Variants in ADPRH observed in about 807,000 individuals in gnomAD.
The protein encoded by ADPRH is ADP-ribosylarginine hydrolase, also known as ADP-ribose-L-arginine cleaving enzyme.
A neutral mutation model predicts 28.8 loss-of-function variants in ADPRH; 27 were observed. The observed-to-expected ratio is 0.94, with a 90% CI of 0.69 to 1.29. ADPRH has a LOEUF of 1.29. Ranked by LOEUF, ADPRH falls within the 50% of genes most tolerant of loss-of-function variation. The pLI, the probability that ADPRH is intolerant of heterozygous loss-of-function variation, is 0.00. For missense variants in ADPRH, 419 were observed against 444.8 expected (o/e 0.94, Z 0.52); for synonymous variants, 161 against 166.9 (o/e 0.96, Z 0.27).
Position 119,587,505 on chromosome 3 carries a change from G to C in ADPRH, c.701G>C (p.Arg234Thr), listed in dbSNP as rs761416122. ...AAATGGGAAAATTACCTAAAACTTA[G>C]AGGGATTTTGGATGGAGAATCAGCC... is the stretch of plus-strand genomic sequence containing the variant. ...QTKWENYLKL[R>T]GILDGESAPT... is the part of the protein sequence containing the mutation. Residue 234 changes from arginine (R) to threonine (T), a missense_variant, in exon 5 of 5, where the codon AGA becomes ACA. Transcript: ENST00000357003. 8.2e-6 allele frequency: 13 copies of C among 1,581,710 alleles called. No individual in the cohort carries two copies. Among genetic ancestry groups the C allele is most frequent in the Non-Finnish European group, 1.0e-5 (12 of 1,163,098 alleles).
Position 119,586,471 on chromosome 3 carries a change from C to T in ADPRH, c.485C>T (p.Thr162Ile), listed in dbSNP as rs1312712543. 6 of 1,614,122 alleles carry T rather than the reference C, an allele frequency of 3.7e-6. No homozygotes were observed. The highest frequency in any genetic ancestry group is 1.3e-5 in the African/African-American group (1 of 74,938). Reference protein sequence around the residue: ...IQVSIESGRMTHHHPTGYLGA... With the variant: ...IQVSIESGRMIHHHPTGYLGA... ...GTGAGCATCGAGAGTGGTCGGATGA[C>T]CCACCACCACCCAACAGGCTACCTG... Residue 162 changes from threonine (T) to isoleucine (I), a missense_variant, in exon 4 of 5, where the codon ACC becomes ATC. Transcript: ENST00000357003.
chr3:119,589,460 A>G lies in ADPRH; in HGVS notation c.*1582A>G, dbSNP rs1212045627. On this transcript the variant is annotated 3_prime_UTR_variant, in exon 5 of 5. Coordinates refer to ENST00000357003, the MANE Select transcript of ADPRH (RefSeq NM_001125.4). ...GTTTTCAGCTGGAAGCGGTGGGTAA[A>G]TGAGGTCTGATGATAGCAGTCCTGC... 2.0e-5 allele frequency: 3 copies of G among 152,100 alleles called. No homozygotes were observed. Among genetic ancestry groups the G allele is most frequent in the Non-Finnish European group, 4.4e-5 (3 of 68,030 alleles). The allele number at this position is 152,100 out of a possible 1,614,324, so 9.4% of individuals were successfully genotyped here.
intron 3 of ADPRH, among the ~76,000 whole-genome samples, chr3:119,584,119 G>A (rs982060307): frequency 2.6e-5 from 4 of 151,992 alleles, no homozygotes; most frequent in African/African-American, 4.8e-5. Flanking sequence ...GTATTTCTGT[G>A]TTGAGAAAGA....
Position 119,579,810 on chromosome 3 carries a change from G to C in ADPRH, c.-164G>C, listed in dbSNP as rs2082389581. 1 of 152,948 alleles carries C rather than the reference G, an allele frequency of 6.5e-6. No homozygotes were observed. The highest frequency in any genetic ancestry group is 1.5e-5 in the Non-Finnish European group (1 of 68,634). The allele number at this position is 152,948 out of a possible 1,614,324, so 9.5% of individuals were successfully genotyped here. A position where few individuals can be genotyped will look rare whatever the true frequency, so the allele number is the denominator to read the frequency against. ...CTCTTCCCCGGCCCCGGGAGCCCGC[G>C]CCACGCCCGTCGCTCGCGCGTTCCA... On this transcript the variant is annotated 5_prime_UTR_variant, in exon 1 of 5. Transcript: ENST00000357003.
intron 3 of ADPRH, among the ~76,000 whole-genome samples, chr3:119,585,177 C>T (rs538432137): frequency 9.2e-5 from 14 of 152,310 alleles, no homozygotes; most frequent in Admixed American, 2.0e-4. Flanking sequence ...CATCCTTTCT[C>T]GGCATCTGAT....
chr3:119,586,879 G>T (rs2082466913), intron 4 of ADPRH, among the ~76,000 whole-genome samples: 1 of 152,168 alleles, frequency 6.6e-6, no homozygotes, highest in Admixed American at 6.5e-5. Context: ...CTCTTACACG[G>T]AATCCTGTCA....
rs146949940 is a variant in ADPRH at position 119,586,651 on chromosome 3, T to C, written c.659+6T>C. 99 of 1,612,430 alleles carry C rather than the reference T, an allele frequency of 6.1e-5. 1 individual carries two copies. In the African/African-American group the frequency reaches 9.9e-4, roughly 16 times the overall value. On this transcript the variant is annotated splice_donor_region_variant and intron_variant, in intron 4 of 4. Transcript: ENST00000357003. ...GAGGAAAATCTTCAACACTGGTGAG[T>C]CTGTAAGCGCACGCCCTGCTCAAAC...
intron 3 of ADPRH, among the ~76,000 whole-genome samples, chr3:119,585,908 T>C (rs2082454465): frequency 6.6e-6 from 1 of 152,262 alleles, no homozygotes; most frequent in South Asian, 2.1e-4. Flanking sequence ...TGATGGATTT[T>C]ACCCAGCCAC....
At chr3:119,583,023 G>A (rs1403204084) in intron 3 of ADPRH, among the ~76,000 whole-genome samples, 1 of 152,102 alleles carries the variant, frequency 6.6e-6, no homozygotes, top group Non-Finnish European at 1.5e-5. Context: ...CTGTAAAACC[G>A]GTCGCTGGTG....
chr3:119,581,843 T>C (rs911687524), intron 2 of ADPRH, among the ~76,000 whole-genome samples: 2 of 152,216 alleles, frequency 1.3e-5, no homozygotes, highest in Admixed American at 6.5e-5. Flanking sequence ...TGATAGACTT[T>C]GGAGTCAGAT....
At chr3:119,585,184 T>A (rs1158484096) in intron 3 of ADPRH, among the ~76,000 whole-genome samples, 1 of 152,234 alleles carries the variant, frequency 6.6e-6, no homozygotes, top group Non-Finnish European at 1.5e-5. Context: ...TCTCGGCATC[T>A]GATAGCTCAT....
chr3:119,587,795 C>T lies in ADPRH; in HGVS notation c.991C>T (p.Leu331=), dbSNP rs1237690090. 4 of 1,614,096 alleles carry T rather than the reference C, an allele frequency of 2.5e-6. No homozygotes were observed. Among genetic ancestry groups the T allele is most frequent in the Non-Finnish European group, 3.4e-6 (4 of 1,179,986 alleles). Reference sequence around the variant, plus strand: ...AGTGAGTCCCTCCAACTATGAGAAACTAGAATACAGAAACCGGCTGGAAGA... The same window carrying T: ...AGTGAGTCCCTCCAACTATGAGAAATTAGAATACAGAAACCGGCTGGAAGA... ...KGVSPSNYEK[L]EYRNRLEETA... The change falls in exon 5 of 5, where the codon CTA becomes TTA. Residue 331 remains leucine (L), a synonymous_variant. Coordinates refer to ENST00000357003, the MANE Select transcript of ADPRH (RefSeq NM_001125.4).
At chr3:119,580,905 A>G (rs1409124139) in intron 2 of ADPRH, among the ~76,000 whole-genome samples, 1 of 152,154 alleles carries the variant, frequency 6.6e-6, no homozygotes, top group Non-Finnish European at 1.5e-5. Flanking sequence ...GAAGCTGATC[A>G]TTTCTAAGAG....
intron 3 of ADPRH, among the ~76,000 whole-genome samples, chr3:119,586,002 A>G (rs184408346): frequency 6.4e-4 from 97 of 152,354 alleles, no homozygotes; most frequent in African/African-American, 2.3e-3. Flanking sequence ...AGAACAATAT[A>G]CTTACTTCTT....
intron 1 of ADPRH, 154 bp from the exon 2 acceptor site, chr3:119,580,397 T>C (rs1396253113): frequency 6.6e-6 from 1 of 152,210 alleles, no homozygotes; most frequent in Non-Finnish European, 1.5e-5. Context: ...GTCTGTCAGG[T>C]CTAGTAGCCC....
chr3:119,581,872 C>T (rs1318472282), intron 2 of ADPRH, among the ~76,000 whole-genome samples: 1 of 152,106 alleles, frequency 6.6e-6, no homozygotes, highest in Admixed American at 6.5e-5. Flanking sequence ...GTTGGGATCC[C>T]AGCCCTGCCA....
At position 119,586,366 on chromosome 3, in the gene ADPRH, G is replaced by A. The variant is rs1372527728; in HGVS notation, c.380G>A (p.Gly127Asp). The change falls in exon 4 of 5, where the codon GGC becomes GAC. Residue 127 changes from glycine to aspartate, a missense_variant. By Grantham distance (94) the Gly-to-Asp change is moderately conservative. Transcript: ENST00000357003. ...AGGATTCCCTTCAACAGCCATGAGG[G>A]CGGCTGTGGGGCTGCCATGCGGGCC... ...GWRIPFNSHE[G>D]GCGAAMRAMC... is the part of the protein sequence containing the mutation. 6.2e-7 allele frequency: 1 copy of A among 1,614,126 alleles called. No individual in the cohort carries two copies. The highest frequency in any genetic ancestry group is 8.5e-7 in the Non-Finnish European group (1 of 1,180,060).
Position 119,582,318 on chromosome 3 carries a change from GGTGGAGAGT to G in ADPRH, c.150_158del (p.Arg50_Val53delinsSer). The G allele has an allele frequency of 6.2e-7, 1 of 1,614,202 alleles. No homozygotes were observed. The highest frequency in any genetic ancestry group is 1.1e-5 in the South Asian group (1 of 91,080). On this transcript the variant is annotated inframe_deletion, in exon 3 of 5. Transcript: ENST00000357003. The stretch of plus-strand genomic sequence containing the variant: ...GGCTTGGATGCCCTAGACGTGGGAA[GGTGGAGAGT>G]TAGTGACGACACAGTGATGCACTTG...
intron 2 of ADPRH, among the ~76,000 whole-genome samples, chr3:119,580,866 A>ATATT (rs961593046): frequency 5.3e-5 from 8 of 152,242 alleles, no homozygotes; most frequent in African/African-American, 1.9e-4. Flanking sequence ...CATGGTGGGT[A>ATATT]TATTATTAAT....
Sources: gnomAD v4.1 joint callset for allele counts (sites outside exome capture counted in the v4.1 genomes callset) on GRCh38, gnomAD v4.1.1 for gene constraint, MANE v1.5 for transcripts, NCBI Gene and HGNC (gene_info 2026-07-23, HGNC 2026-07-21) for gene names.